The following LRP1B variants were observed in gnomAD, a reference collection of about 807,000 sequenced individuals.
LRP1B encodes LDL receptor related protein 1B, also known as low-density lipoprotein receptor-related protein 1B.
Under a neutral mutation model 556.6 loss-of-function variants are expected in LRP1B, and 217 were observed. That is an observed-to-expected ratio of 0.39 (90% CI 0.35 to 0.44). The LOEUF is 0.44. Ranked by LOEUF, LRP1B falls within the 20% of genes least tolerant of loss-of-function variation. LRP1B has a pLI of 1.00. For missense variants in LRP1B, 5,053 were observed against 5,620.8 expected (o/e 0.90, Z 3.23); for synonymous variants, 2,047 against 1,865.8 (o/e 1.10, Z -2.50).
At chr2:141,549,185 G>A (rs1685661356) in intron 2 of LRP1B, among the ~76,000 whole-genome samples, 2 of 152,232 alleles carry the variant, frequency 1.3e-5, no homozygotes, top group Middle Eastern at 6.8e-3. Flanking sequence ...TCTATGAATT[G>A]GAAGGTATAA....
chr2:142,027,943 C>T (rs765609442), intron 1 of LRP1B, among the ~76,000 whole-genome samples: 9 of 151,888 alleles, frequency 5.9e-5, no homozygotes, highest in Non-Finnish European at 1.2e-4. Context: ...CTTATTATTC[C>T]ACTCTTGGTG....
chr2:141,207,071 A>G (rs1213077593), intron 6 of LRP1B, among the ~76,000 whole-genome samples: 1 of 152,188 alleles, frequency 6.6e-6, no homozygotes, highest in Non-Finnish European at 1.5e-5. Context: ...CAATTTTGAT[A>G]AAGACCACAG....
At chr2:140,613,506 A>G (rs1683155657) in intron 41 of LRP1B, among the ~76,000 whole-genome samples, 1 of 149,540 alleles carries the variant, frequency 6.7e-6, no homozygotes, top group Non-Finnish European at 1.5e-5. Flanking sequence ...TAGTGAATGT[A>G]GGATTGTTTG....
intron 2 of LRP1B, among the ~76,000 whole-genome samples, chr2:141,704,405 G>A (rs1692063666): frequency 6.6e-6 from 1 of 151,854 alleles, no homozygotes; most frequent in African/African-American, 2.4e-5. Flanking sequence ...AATCATCAAA[G>A]AAGTACGTAC....
intron 66 of LRP1B, among the ~76,000 whole-genome samples, chr2:140,402,367 C>A (rs1396614100): frequency 6.6e-6 from 1 of 152,142 alleles, no homozygotes; most frequent in Non-Finnish European, 1.5e-5. Flanking sequence ...GAAGGGATCT[C>A]TTTTCTTCCC....
At chr2:141,374,664 A>G (rs1319873391) in intron 3 of LRP1B, among the ~76,000 whole-genome samples, 5 of 152,054 alleles carry the variant, frequency 3.3e-5, no homozygotes, top group Non-Finnish European at 2.9e-5. Context: ...CTAGTCCATC[A>G]TTGAAGCTTT....
At chr2:141,527,092 G>A (rs1448880546) in intron 2 of LRP1B, among the ~76,000 whole-genome samples, 1 of 151,880 alleles carries the variant, frequency 6.6e-6, no homozygotes, top group East Asian at 1.9e-4. Context: ...GTATGGGAGG[G>A]CTTTTTATTT....
At chr2:141,176,971 T>A (rs1680764402) in intron 7 of LRP1B, among the ~76,000 whole-genome samples, 1 of 152,138 alleles carries the variant, frequency 6.6e-6, no homozygotes, top group Non-Finnish European at 1.5e-5. Context: ...CTTCTGCTTT[T>A]TCCAAAATGT....
chr2:140,708,338 T>C (rs1186324898), intron 37 of LRP1B, among the ~76,000 whole-genome samples: 1 of 151,994 alleles, frequency 6.6e-6, no homozygotes, highest in Non-Finnish European at 1.5e-5. Context: ...TTAACTTATT[T>C]GTCAATTTCT....
At chr2:141,166,845 C>T (rs747498546) in intron 7 of LRP1B, among the ~76,000 whole-genome samples, 62 of 151,144 alleles carry the variant, frequency 4.1e-4, no homozygotes, top group South Asian at 1.9e-3. Context: ...CAATTAAACT[C>T]TTTTGATTTA....
intron 2 of LRP1B, among the ~76,000 whole-genome samples, chr2:141,550,400 G>A (rs1173091412): frequency 2.0e-5 from 3 of 152,064 alleles, no homozygotes; most frequent in Non-Finnish European, 4.4e-5. Flanking sequence ...TCTACAATAC[G>A]TAGAACTATT....
chr2:140,766,196 G>T (rs1689098384), intron 35 of LRP1B, among the ~76,000 whole-genome samples: 1 of 113,358 alleles, frequency 8.8e-6, no homozygotes, highest in Non-Finnish European at 2.0e-5. Context: ...AAATATGAAG[G>T]TCATGATTTA....
At chr2:140,692,937 A>C (rs537294243) in intron 41 of LRP1B, among the ~76,000 whole-genome samples, 1 of 152,230 alleles carries the variant, frequency 6.6e-6, no homozygotes, top group East Asian at 1.9e-4. Context: ...AAATACTTGA[A>C]TTTTTGAATA....
chr2:140,534,769 C>A (rs1261459748), intron 46 of LRP1B, among the ~76,000 whole-genome samples: 1 of 152,098 alleles, frequency 6.6e-6, no homozygotes, highest in Non-Finnish European at 1.5e-5. Context: ...GTATTAAATG[C>A]CAGCTTTGCC....
At chr2:140,495,413 CAG>C (rs977449789) in intron 56 of LRP1B, 150 bp downstream of exon 56, 2 of 546,130 alleles carry the variant, frequency 3.7e-6, no homozygotes, top group African/African-American at 3.7e-5. Flanking sequence ...CATACAAAAT[CAG>C]AGTGACAGAT....
intron 57 of LRP1B, among the ~76,000 whole-genome samples, chr2:140,489,296 G>A (rs943982464): frequency 5.9e-5 from 9 of 151,908 alleles, no homozygotes; most frequent in Non-Finnish European, 8.8e-5. Context: ...CAAAAATCTC[G>A]TGCCATAGGT....
chr2:142,088,728 C>A (rs937624515), intron 1 of LRP1B, among the ~76,000 whole-genome samples: 16 of 152,030 alleles, frequency 1.1e-4, no homozygotes, highest in Non-Finnish European at 2.1e-4. Context: ...GTAATCCCAG[C>A]ACTTTGGGAG....
At chr2:141,554,715 AC>A (rs1685896865) in intron 2 of LRP1B, among the ~76,000 whole-genome samples, 1 of 152,004 alleles carries the variant, frequency 6.6e-6, no homozygotes, top group Non-Finnish European at 1.5e-5. Context: ...TCTCACATAT[AC>A]CTACCTAGAT....
At chr2:141,323,655 G>A (rs1268735874) in intron 3 of LRP1B, among the ~76,000 whole-genome samples, 1 of 151,776 alleles carries the variant, frequency 6.6e-6, no homozygotes, top group Non-Finnish European at 1.5e-5. Flanking sequence ...AGACTCAAGA[G>A]GTTTTTCCTA....
Sources: allele counts gnomAD v4.1 joint callset (sites outside exome capture counted in the v4.1 genomes callset), GRCh38; gene constraint gnomAD v4.1.1; transcripts MANE v1.5; gene names NCBI Gene and HGNC (gene_info 2026-07-23, HGNC 2026-07-21).